The following URI1 variants were observed in gnomAD, a reference collection of about 807,000 sequenced individuals.
URI1 encodes URI1 prefoldin like chaperone.
URI1 carries 39 observed loss-of-function variants against 60.2 expected under a neutral mutation model. That is an observed-to-expected ratio of 0.65 (90% confidence interval 0.50 to 0.85). The LOEUF is 0.85. URI1 is among the 40% of genes least tolerant of loss of function. URI1 has a pLI of 0.00. For missense variants in URI1, 691 were observed against 665.9 expected (o/e 1.04, Z -0.42); for synonymous variants, 251 against 236.8 (o/e 1.06, Z -0.55).
At chr19:29,968,289 A>G (rs335009) in intron 1 of URI1, among the ~76,000 whole-genome samples, 4,096 of 152,250 alleles carry the variant, frequency 0.027, 188 homozygotes, top group African/African-American at 0.093. Context: ...AAAATAAACA[A>G]AAACTAGTTT....
In URI1 at chr19:30,015,424, A is replaced by T; in HGVS notation, c.*355A>T. The T allele has an allele frequency of 6.7e-7, 1 of 1,484,064 alleles. No individual in the cohort carries two copies. Among genetic ancestry groups the T allele is most frequent in the Non-Finnish European group, 8.9e-7 (1 of 1,126,680 alleles). 91.9% of individuals were successfully genotyped at this position (1,484,064 alleles called of 1,614,324 possible). ...TTTTGTGCCAGCTGTGATATTGTGC[A>T]TACCATATGGACCATTTTAAAGAAA... On this transcript the variant is annotated 3_prime_UTR_variant, in exon 11 of 11. Transcript: ENST00000392271.
chr19:29,998,972 T>A (rs1397946802), intron 4 of URI1, among the ~76,000 whole-genome samples: 1 of 152,100 alleles, frequency 6.6e-6, no homozygotes, highest in Non-Finnish European at 1.5e-5. Flanking sequence ...AAAATATAGG[T>A]ATTTTCTTTG....
chr19:30,009,547 A>G (rs1197521600), intron 8 of URI1, among the ~76,000 whole-genome samples, 194 bp downstream of exon 8: 1 of 152,142 alleles, frequency 6.6e-6, no homozygotes, highest in African/African-American at 2.4e-5. Context: ...GTATTGGTCC[A>G]TTGTTCTCTG....
intron 3 of URI1, among the ~76,000 whole-genome samples, chr19:29,985,619 A>G (rs2055658895): frequency 6.6e-6 from 1 of 152,216 alleles, no homozygotes; most frequent in African/African-American, 2.4e-5. Context: ...TGTTAGCCAG[A>G]GCAGGAATAG....
chr19:29,998,901 T>C (rs2055845110), intron 4 of URI1, among the ~76,000 whole-genome samples: 1 of 152,140 alleles, frequency 6.6e-6, no homozygotes, highest in Admixed American at 6.6e-5. Flanking sequence ...TATTACTGCC[T>C]TCCTTTGTGT....
intron 10 of URI1, among the ~76,000 whole-genome samples, chr19:30,014,635 CA>C (rs1431516847): frequency 6.6e-6 from 1 of 152,024 alleles, no homozygotes. Context: ...TTTTTTTTCC[CA>C]GATAAAATTT....
chr19:29,971,251 C>T, intron 2 of URI1, 24 bp downstream of exon 2: 1 of 1,611,004 alleles, frequency 6.2e-7, no homozygotes, highest in Non-Finnish European at 8.5e-7. Context: ...GGTTTTATTA[C>T]ACTTCTGAAA....
intron 4 of URI1, among the ~76,000 whole-genome samples, chr19:30,002,555 A>G (rs2055891528): frequency 6.6e-6 from 1 of 151,970 alleles, no homozygotes; most frequent in Non-Finnish European, 1.5e-5. Flanking sequence ...ATAAATAAAA[A>G]CTATACCTCA....
chr19:29,932,636 G>T (rs2054931722), intron 1 of URI1, among the ~76,000 whole-genome samples: 1 of 129,842 alleles, frequency 7.7e-6, no homozygotes, highest in Admixed American at 8.6e-5. Context: ...TTATTATGTG[G>T]TTTTCCCCCC....
chr19:29,962,722 A>G (rs575501593), intron 1 of URI1, among the ~76,000 whole-genome samples: 9 of 151,922 alleles, frequency 5.9e-5, no homozygotes, highest in Non-Finnish European at 1.2e-4. Flanking sequence ...TAATAACAAT[A>G]TCTAGTTTAA....
intron 1 of URI1, among the ~76,000 whole-genome samples, chr19:29,951,602 G>A (rs1169965326): frequency 3.3e-5 from 5 of 150,994 alleles, no homozygotes; most frequent in Non-Finnish European, 5.9e-5. Context: ...GCTGGAGTGC[G>A]GTGGCACGAT....
Position 30,005,386 on chromosome 19 carries a change from A to T in URI1, c.393A>T (p.Leu131Phe), listed in dbSNP as rs1232653363. 2.5e-6 allele frequency: 4 copies of T among 1,599,010 alleles called. No individual in the cohort carries two copies. The highest frequency in any genetic ancestry group is 2.6e-6 in the Non-Finnish European group (3 of 1,172,588). Residue 131 changes from leucine (L) to phenylalanine (F), a missense_variant, in exon 5 of 11, where the codon TTA (leucine) becomes TTT (phenylalanine). Physicochemically the swap from Leu to Phe is conservative, Grantham distance 22. Transcript: ENST00000392271. ...KEHVRKTIDD[L>F]KKVMKNFESR... ...ATGTAAGAAAAACAATAGATGACTT[A>T]AAAAAAGTGATGAAAAATTTTGAAT...
chr19:29,929,093 C>T (rs571662458), intron 1 of URI1, among the ~76,000 whole-genome samples: 3 of 152,258 alleles, frequency 2.0e-5, no homozygotes, highest in Non-Finnish European at 2.9e-5. Context: ...TGAATATTTG[C>T]ATAGAGGTTT....
upstream of URI1, chr19:29,937,580 T>G (rs2054984647): frequency 6.6e-6 from 1 of 152,236 alleles, no homozygotes; most frequent in Non-Finnish European, 1.5e-5. Context: ...CAAACTATGT[T>G]TGCAAAGTGT....
chr19:29,991,460 A>G (rs973860219), intron 4 of URI1, among the ~76,000 whole-genome samples: 2 of 152,238 alleles, frequency 1.3e-5, no homozygotes, highest in Non-Finnish European at 2.9e-5. Context: ...TGTATCCTCC[A>G]TTCATGCTGA....
At chr19:29,940,273 T>C (rs913761509), upstream of URI1, among the ~76,000 whole-genome samples, 1 of 152,196 alleles carries the variant, frequency 6.6e-6, no homozygotes, top group Non-Finnish European at 1.5e-5. Flanking sequence ...GGCTGTCTGA[T>C]ACACATGGGG....
At chr19:29,992,008 A>C (rs935733877) in intron 4 of URI1, among the ~76,000 whole-genome samples, 4 of 152,022 alleles carry the variant, frequency 2.6e-5, no homozygotes, top group African/African-American at 9.7e-5. Context: ...TAATATTTGC[A>C]TGGCGTATAT....
chr19:29,937,163 T>C lies in URI1; in HGVS notation c.63+13409T>C, dbSNP rs183885657. ...GATTCTTCAGATCAGCTTTTTGATCTCTCTAGTGAATTTCTAAGTTCAAGC... is the reference window on the plus strand; with the variant it reads ...GATTCTTCAGATCAGCTTTTTGATCCCTCTAGTGAATTTCTAAGTTCAAGC... On this transcript the variant is annotated intron_variant, in intron 1 of 10. Transcript: ENST00000360605. Among the ~76,000 whole-genome samples the C allele has an allele frequency of 2.0e-5, 3 of 152,366 alleles. No individual in the cohort carries two copies. The East Asian group carries it at 5.8e-4, about 29-fold the overall frequency.
In URI1 at chr19:29,955,647, C is replaced by T. The variant is rs565464756; in HGVS notation, c.117+12983C>T. On this transcript the variant is annotated intron_variant, in intron 1 of 10. Coordinates refer to ENST00000392271, the MANE Select transcript of URI1 (RefSeq NM_003796.3). Reference sequence around the variant, plus strand: ...TCTTCATTGCCATTTTCCCAGTTACCATTTTTTTCTTTTCTTTTTTTTTTT... The same window carrying T: ...TCTTCATTGCCATTTTCCCAGTTACTATTTTTTTCTTTTCTTTTTTTTTTT... Among the ~76,000 whole-genome samples the T allele has an allele frequency of 8.2e-5, 11 of 133,816 alleles. No homozygotes were observed. In the East Asian group the frequency reaches 2.4e-3, roughly 29 times the overall value. The allele number at this position is 133,816 out of a possible 152,430, so 87.8% of individuals were successfully genotyped here. A position where few individuals can be genotyped will look rare whatever the true frequency, so the allele number is the denominator to read the frequency against.
Sources: allele counts gnomAD v4.1 joint callset (sites outside exome capture counted in the v4.1 genomes callset), GRCh38; gene constraint gnomAD v4.1.1; transcripts MANE v1.5; gene names NCBI Gene and HGNC (gene_info 2026-07-23, HGNC 2026-07-21).